TRIM39: variants seen among roughly 807,000 people sequenced by gnomAD.
The protein encoded by TRIM39 is tripartite motif containing 39.
A neutral mutation model predicts 53.6 loss-of-function variants in TRIM39; 5 were observed. The observed-to-expected ratio is 0.09, with a 90% CI of 0.05 to 0.20. TRIM39 has a LOEUF of 0.20. Among genes scored for constraint, TRIM39 ranks in the 10% least tolerant of loss-of-function variants. The pLI is 1.00. For missense variants in TRIM39, 310 were observed against 621.0 expected (o/e 0.50, Z 5.32); for synonymous variants, 196 against 237.6 (o/e 0.82, Z 1.61).
intron 1 of TRIM39, chr6:30,327,494 T>C (rs1035377892): frequency 1.3e-5 from 2 of 152,798 alleles, no homozygotes; most frequent in African/African-American, 4.8e-5. Context: ...AATGAGATTG[T>C]CCCTGAAGTT....
chr6:30,329,706 C>T (rs1311652249), exon 3 of TRIM39: 5 of 1,613,020 alleles, frequency 3.1e-6, no homozygotes, highest in Non-Finnish European at 3.4e-6. Flanking sequence ...TTGATATGTG[C>T]AATTTCCCAC....
In TRIM39 at chr6:30,339,780, T is replaced by A; in HGVS notation, c.781-128T>A. On this transcript the variant is annotated intron_variant, in intron 5 of 7. Transcript: ENST00000396551. This position sits in a 1 kb window ranked among gnomAD's most constrained non-coding sequence, Gnocchi z 4.2. ...GGTCCCGCTGGAGCTCTTCTTGCAC[T>A]GTGTGACCCTCAGTTTATCCTATCC... The A allele has an allele frequency of 1.5e-6, 2 of 1,309,374 alleles. No homozygotes were observed. Among genetic ancestry groups the A allele is most frequent in the Non-Finnish European group, 2.2e-6 (2 of 924,692 alleles). The allele number at this position is 1,309,374 out of a possible 1,614,324, so 81.1% of individuals were successfully genotyped here. A position where few individuals can be genotyped will look rare whatever the true frequency, so the allele number is the denominator to read the frequency against.
exon 4 of TRIM39, chr6:30,330,855 G>T: frequency 6.2e-7 from 1 of 1,614,182 alleles, no homozygotes; most frequent in Non-Finnish European, 8.5e-7. Context: ...CCTCTGAGGA[G>T]AAGAAGCCTG....
At chr6:30,334,282 TCA>T (rs1786588074) in intron 4 of TRIM39, among the ~76,000 whole-genome samples, 2 of 143,526 alleles carry the variant, frequency 1.4e-5, no homozygotes. Flanking sequence ...CTTTGCTTCA[TCA>T]TCAGTCACAT....
intron 7 of TRIM39, 68 bp downstream of exon 7, chr6:30,340,688 A>G: frequency 1.3e-6 from 2 of 1,505,368 alleles, no homozygotes; most frequent in South Asian, 2.5e-5. Context: ...GTCCTACCTT[A>G]TATGGGTTTC....
chr6:30,335,894 T>C lies in TRIM39; in HGVS notation c.699T>C (p.Leu233=). 7 of 1,612,634 alleles carry C rather than the reference T, an allele frequency of 4.3e-6. No homozygotes were observed. The highest frequency in any genetic ancestry group is 5.9e-6 in the Non-Finnish European group (7 of 1,179,970). Residue 233 remains leucine (L), a synonymous_variant, in exon 5 of 8, where the codon CTT becomes CTC. Coordinates refer to ENST00000396551, the Ensembl canonical transcript of TRIM39. This position sits in a 1 kb window ranked among gnomAD's most constrained non-coding sequence, Gnocchi z 4.7. ...GACTCCGAGAAAATGCTGCTCACCT[T>C]GGGGACAAGCGCCGGGACCTGGCCC...
intron 6 of TRIM39, 86 bp from the exon 7 acceptor site, chr6:30,340,419 T>G: frequency 6.2e-7 from 1 of 1,610,138 alleles, no homozygotes; most frequent in Non-Finnish European, 8.5e-7. Flanking sequence ...AATTTCTCCC[T>G]AAAAATGTTA....
intron 4 of TRIM39, among the ~76,000 whole-genome samples, chr6:30,332,803 T>TA (rs1402565271): frequency 6.6e-6 from 1 of 152,180 alleles, no homozygotes. Flanking sequence ...ATTTCAGTGG[T>TA]CTCCAAAACT....
chr6:30,326,780 G>C (rs1221072732), exon 1 of TRIM39: 1 of 153,088 alleles, frequency 6.5e-6, no homozygotes, highest in African/African-American at 2.4e-5. Context: ...GCTTCTCATC[G>C]CCAGCCCTCC....
intron 2 of TRIM39, 46 bp from the exon 3 acceptor site, chr6:30,329,265 T>G (rs879220754): frequency 8.7e-6 from 13 of 1,486,934 alleles, no homozygotes; most frequent in African/African-American, 1.4e-5. Context: ...AGAAAAAACC[T>G]CCAATTAATA....
At chr6:30,340,299 ACTCTCAACGAT>A in intron 6 of TRIM39, 195 bp from the exon 7 acceptor site, 1 of 1,612,952 alleles carries the variant, frequency 6.2e-7, no homozygotes, top group South Asian at 1.1e-5. Flanking sequence ...TCGGAGGCTC[ACTCTCAACGAT>A]CTGTCCACGG....
rs1379607407 is a variant in TRIM39 at position 30,338,380 on chromosome 6, C to G, written c.781-1528C>G. On this transcript the variant is annotated intron_variant, in intron 5 of 7. Coordinates refer to ENST00000396551, the Ensembl canonical transcript of TRIM39. This position sits in a 1 kb window ranked among gnomAD's most constrained non-coding sequence, Gnocchi z 4.0. ...TTCTTTCACATGAACACTTAGAGGC[C>G]ATTGCAGGATTATTAATTGATATAA... Among the ~76,000 whole-genome samples the G allele has an allele frequency of 6.6e-6, 1 of 151,484 alleles. No individual in the cohort carries two copies. Among genetic ancestry groups the G allele is most frequent in the Non-Finnish European group, 1.5e-5 (1 of 67,922 alleles).
chr6:30,338,168 TATC>T lies in TRIM39; in HGVS notation c.781-1737_781-1735del, dbSNP rs2127406433. 6.6e-6 allele frequency among the ~76,000 whole-genome samples: 1 copy of T among 152,330 alleles called. No individual in the cohort carries two copies. Among genetic ancestry groups the T allele is most frequent in the Non-Finnish European group, 1.5e-5 (1 of 68,040 alleles). ...CAGCAATAAAGCTGTTTCACTTTCT[TATC>T]ATTCATGTGTTCACTGGAGTAGCAC... On this transcript the variant is annotated intron_variant, in intron 5 of 7. Transcript: ENST00000396551. The surrounding 1 kb of genome is among the most constrained non-coding windows in gnomAD (Gnocchi z 4.0).
exon 8 of TRIM39, chr6:30,343,029 C>T (rs1168492663): frequency 1.3e-5 from 2 of 152,592 alleles, no homozygotes; most frequent in Non-Finnish European, 2.9e-5. Flanking sequence ...AAGTCAGTCA[C>T]CTTGCTCCTC....
At chr6:30,331,005 C>A in intron 4 of TRIM39, 129 bp downstream of exon 4, 3 of 1,125,768 alleles carry the variant, frequency 2.7e-6, no homozygotes, top group South Asian at 3.1e-5. Context: ...CATGGTGGCT[C>A]ACACCTGTAA....
chr6:30,342,388 G>A lies in TRIM39; in HGVS notation c.*129G>A. Reference sequence around the variant, plus strand: ...TGAATCATCTTGGAGAAACACCTTGGTTTCTAGGATGGTTTTGTGTGGAGG... The same window carrying A: ...TGAATCATCTTGGAGAAACACCTTGATTTCTAGGATGGTTTTGTGTGGAGG... On this transcript the variant is annotated 3_prime_UTR_variant, in exon 8 of 8. Coordinates refer to ENST00000396551, the Ensembl canonical transcript of TRIM39. This position sits in a 1 kb window ranked among gnomAD's most constrained non-coding sequence, Gnocchi z 4.7. 1 of 1,005,076 alleles carries A rather than the reference G, an allele frequency of 9.9e-7. No homozygotes were observed. Among genetic ancestry groups the A allele is most frequent in the South Asian group, 1.6e-5 (1 of 62,520 alleles). 62.3% of individuals were successfully genotyped at this position (1,005,076 alleles called of 1,614,324 possible).
At chr6:30,341,845 C>T (rs1347828110) in exon 8 of TRIM39, 8 of 1,612,918 alleles carry the variant, frequency 5.0e-6, no homozygotes, top group South Asian at 2.2e-5. Flanking sequence ...TCTACCCTTG[C>T]GTCCTGGCTA....
exon 8 of TRIM39, chr6:30,343,480 T>A (rs954694295): frequency 1.3e-5 from 2 of 152,648 alleles, no homozygotes; most frequent in African/African-American, 4.8e-5. Flanking sequence ...TATGTTGTCA[T>A]AAAAGGTAAA....
Position 30,342,309 on chromosome 6 carries a change from G to A in TRIM39, c.*50G>A. ...GGGTGAGGCAGGGTCAAGTGCTACGGGCCTCCTTCCCGTGTCCTGCTGGAA... is the reference window on the plus strand; with the variant it reads ...GGGTGAGGCAGGGTCAAGTGCTACGAGCCTCCTTCCCGTGTCCTGCTGGAA... On this transcript the variant is annotated 3_prime_UTR_variant, in exon 8 of 8. Transcript: ENST00000396551. The surrounding 1 kb of genome is among the most constrained non-coding windows in gnomAD (Gnocchi z 4.7). 1 of 1,581,312 alleles carries A rather than the reference G, an allele frequency of 6.3e-7. No individual in the cohort carries two copies. The highest frequency in any genetic ancestry group is 8.6e-7 in the Non-Finnish European group (1 of 1,159,286).
Sources: allele counts gnomAD v4.1 joint callset (sites outside exome capture counted in the v4.1 genomes callset), GRCh38; gene constraint gnomAD v4.1.1; non-coding constraint Gnocchi (gnomAD v3.1); transcripts MANE v1.5; gene names NCBI Gene and HGNC (gene_info 2026-07-23, HGNC 2026-07-21).